Variants in COL22A1 observed in about 807,000 individuals in gnomAD.
COL22A1 encodes the protein collagen alpha-1(XXII) chain.
In COL22A1, 221 loss-of-function variants were observed where a neutral mutation model predicts 248.9. The observed-to-expected ratio is 0.89, with a 90% CI of 0.80 to 0.99. The LOEUF (loss-of-function observed/expected upper bound fraction) is 0.99. Among genes scored for constraint, COL22A1 ranks in the 50% least tolerant of loss-of-function variants. The pLI, the probability that COL22A1 is intolerant of heterozygous loss-of-function variation, is 0.00. For missense variants in COL22A1, 2,240 were observed against 2,179.0 expected (o/e 1.03, Z -0.56); for synonymous variants, 891 against 793.4 (o/e 1.12, Z -2.07).
At chr8:138,772,784 A>C (rs1834489592) in intron 16 of COL22A1, among the ~76,000 whole-genome samples, 1 of 152,112 alleles carries the variant, frequency 6.6e-6, no homozygotes, top group South Asian at 2.1e-4. Context: ...AATTGCTTGG[A>C]CCCGGGAGGT....
intron 4 of COL22A1, among the ~76,000 whole-genome samples, chr8:138,839,342 C>T (rs1820688835): frequency 1.3e-5 from 2 of 152,054 alleles, no homozygotes; most frequent in South Asian, 4.1e-4. Flanking sequence ...GGGCTGGTGC[C>T]GGTCAGGCTG....
At chr8:138,813,969 G>GC (rs1818467130) in intron 7 of COL22A1, among the ~76,000 whole-genome samples, 1 of 152,198 alleles carries the variant, frequency 6.6e-6, no homozygotes, top group Non-Finnish European at 1.5e-5. Flanking sequence ...TAATATGACA[G>GC]CCCCTTAAAC....
At chr8:138,597,266 T>C (rs998266149) in intron 61 of COL22A1, among the ~76,000 whole-genome samples, 5 of 152,174 alleles carry the variant, frequency 3.3e-5, no homozygotes, top group African/African-American at 9.7e-5. Context: ...GAAGCCACTG[T>C]GCCCATTAAT....
At chr8:138,606,553 T>C in intron 57 of COL22A1, 101 bp from the exon 58 acceptor site, 1 of 1,118,708 alleles carries the variant, frequency 8.9e-7, no homozygotes, top group Non-Finnish European at 1.3e-6. Flanking sequence ...GCCTGAGACA[T>C]CCACACAACA....
chr8:138,693,119 G>A (rs553035925), intron 35 of COL22A1, among the ~76,000 whole-genome samples: 8 of 152,258 alleles, frequency 5.3e-5, no homozygotes, highest in African/African-American at 1.9e-4. Context: ...TCAGCTCCAG[G>A]AACAAGTGCC....
chr8:138,884,054 G>A (rs1824454456), intron 1 of COL22A1, among the ~76,000 whole-genome samples: 1 of 152,108 alleles, frequency 6.6e-6, no homozygotes, highest in Non-Finnish European at 1.5e-5. Context: ...GGTTCCAGGT[G>A]TACCACACCT....
intron 55 of COL22A1, among the ~76,000 whole-genome samples, chr8:138,614,630 G>A (rs1342207615): frequency 2.6e-5 from 4 of 152,082 alleles, no homozygotes; most frequent in Non-Finnish European, 5.9e-5. Context: ...GTAGCACCCT[G>A]CATCACCTTT....
intron 1 of COL22A1, among the ~76,000 whole-genome samples, chr8:138,898,973 T>C (rs1430319062): frequency 6.6e-6 from 1 of 152,186 alleles, no homozygotes; most frequent in Admixed American, 6.5e-5. Context: ...ATTATTTCTA[T>C]TTTTTCTTAC....
intron 18 of COL22A1, among the ~76,000 whole-genome samples, chr8:138,757,752 A>T (rs895148220): frequency 3.9e-5 from 6 of 152,356 alleles, no homozygotes; most frequent in African/African-American, 1.4e-4. Flanking sequence ...AGATACACCG[A>T]GTAACTTGTC....
chr8:138,883,341 C>A (rs1192039719), intron 1 of COL22A1, 97 bp from the exon 2 acceptor site: 2 of 649,222 alleles, frequency 3.1e-6, no homozygotes, highest in African/African-American at 1.8e-5. Context: ...CTACACCCAG[C>A]CTTCCAACCC....
intron 10 of COL22A1, among the ~76,000 whole-genome samples, chr8:138,803,397 C>T (rs1262409323): frequency 6.6e-6 from 1 of 152,114 alleles, no homozygotes; most frequent in Non-Finnish European, 1.5e-5. Flanking sequence ...AGTGTCCCAT[C>T]CAAGTACTAA....
Position 138,655,927 on chromosome 8 carries a change from C to G in COL22A1, c.3303G>C (p.Leu1101=), listed in dbSNP as rs1823214755. The change falls in exon 45 of 65, where the codon CTG becomes CTC. Residue 1101 remains leucine, a synonymous_variant. Coordinates refer to ENST00000303045, the MANE Select transcript of COL22A1 (RefSeq NM_152888.3). The stretch of plus-strand genomic sequence containing the variant: ...CCAAGAGATTTATGTCCCCTGGAGA[C>G]AGTAGTGAAGAGAGGCCCTGTCAAA... ...PPGKPGLSSL[L]SPGDINLLAK... 6.2e-7 allele frequency: 1 copy of G among 1,612,530 alleles called. No homozygotes were observed. The highest frequency in any genetic ancestry group is 1.6e-4 in the Middle Eastern group (1 of 6,062).
chr8:138,845,447 G>T (rs6577954), intron 3 of COL22A1, among the ~76,000 whole-genome samples: 72,015 of 151,626 alleles, frequency 0.47, 19,093 homozygotes, highest in Middle Eastern at 0.65. Context: ...AGGCGGAGGC[G>T]GAGGCTGCAG....
At chr8:138,722,757 C>T (rs963122764) in intron 25 of COL22A1, among the ~76,000 whole-genome samples, 5 of 151,260 alleles carry the variant, frequency 3.3e-5, no homozygotes, top group Non-Finnish European at 4.4e-5. Context: ...CAAGGTTTAA[C>T]GGACTCCACC....
intron 47 of COL22A1, 31 bp downstream of exon 47, chr8:138,646,598 T>C: frequency 6.5e-7 from 1 of 1,528,808 alleles, no homozygotes; most frequent in Non-Finnish European, 8.9e-7. Context: ...GCAGAATAGA[T>C]CCATGCAGAT....
intron 38 of COL22A1, among the ~76,000 whole-genome samples, 164 bp downstream of exon 38, chr8:138,685,044 C>T (rs1182852708): frequency 1.3e-5 from 2 of 152,216 alleles, no homozygotes; most frequent in African/African-American, 2.4e-5. Flanking sequence ...GGCCAGCAGT[C>T]CATGAGGTTG....
chr8:138,878,144 C>T lies in COL22A1; in HGVS notation c.264G>A (p.Thr88=), dbSNP rs1195461317. The change falls in exon 3 of 65, where the codon ACG becomes ACA. Residue 88 remains threonine, a synonymous_variant. Coordinates refer to ENST00000303045, the MANE Select transcript of COL22A1 (RefSeq NM_152888.3). The stretch of plus-strand genomic sequence containing the variant: ...AGCCAAAGAGTCCCAACTCGAAGGC[C>T]GTGGTGGGCCGGTCGCTGTAGCGCA... The part of the protein sequence containing the change: ...GVVRYSDRPT[T]AFELGLFGSQ... 2 of 1,605,604 alleles carry T rather than the reference C, an allele frequency of 1.2e-6. No individual in the cohort carries two copies. Among genetic ancestry groups the T allele is most frequent in the South Asian group, 1.1e-5 (1 of 89,196 alleles).
At chr8:138,864,313 G>A (rs879545651) in intron 3 of COL22A1, among the ~76,000 whole-genome samples, 1 of 151,950 alleles carries the variant, frequency 6.6e-6, no homozygotes, top group Non-Finnish European at 1.5e-5. Flanking sequence ...TGTCTGTCAG[G>A]TTTGTGGACA....
chr8:138,630,763 G>A lies in COL22A1; in HGVS notation c.3610-15C>T, dbSNP rs765337263. ...CCATCTGCCCCCTAAAAAAGACAAG[G>A]CAGAAAGCTAGTTTCTTGTGCATCT... On this transcript the variant is annotated splice_polypyrimidine_tract_variant and intron_variant, in intron 49 of 64. Transcript: ENST00000303045. 1.2e-6 allele frequency: 2 copies of A among 1,613,152 alleles called. No individual in the cohort carries two copies. The highest frequency in any genetic ancestry group is 1.7e-6 in the Non-Finnish European group (2 of 1,179,364).
Sources: gnomAD v4.1 joint callset for allele counts (sites outside exome capture counted in the v4.1 genomes callset) on GRCh38, gnomAD v4.1.1 for gene constraint, MANE v1.5 for transcripts, NCBI Gene and HGNC (gene_info 2026-07-23, HGNC 2026-07-21) for gene names.